NEDD9: variants seen among roughly 807,000 people sequenced by gnomAD.
NEDD9 encodes enhancer of filamentation 1.
Under a neutral mutation model 76.6 loss-of-function variants are expected in NEDD9, and 26 were observed. The ratio of observed to expected loss-of-function variants is 0.34; its 90% confidence interval spans 0.25 to 0.47. NEDD9 has a LOEUF of 0.47. NEDD9 is among the 20% of genes least tolerant of loss of function. The probability of loss-of-function intolerance (pLI) is 1.00; values close to 1 mark genes in which losing one functional copy is unlikely to be tolerated. For synonymous variants in NEDD9, 392 were observed against 414.2 expected, an observed-to-expected ratio of 0.95 and a Z score of 0.65; for missense variants, 937 against 1,058.5, an observed-to-expected ratio of 0.89 and a Z score of 1.59.
rs552722072 is a variant in NEDD9, at chr6:11,239,552, A to T, written c.13-25825T>A. Among the ~76,000 whole-genome samples the T allele has an allele frequency of 5.9e-5, 9 of 152,332 alleles. No homozygotes were observed. The East Asian group carries it at 1.7e-3, about 29-fold the overall frequency. On this transcript the variant is annotated intron_variant, in intron 3 of 3. Transcript: ENST00000397378. Reference sequence around the variant, plus strand: ...CTCTTGGAATGAATGAAAGTCTATTATTAGAGAAAAGCCCAAAAGAGTTTT... The same window carrying T: ...CTCTTGGAATGAATGAAAGTCTATTTTTAGAGAAAAGCCCAAAAGAGTTTT...
intron 2 of NEDD9, among the ~76,000 whole-genome samples, chr6:11,327,319 T>C (rs748839512): frequency 1.2e-4 from 18 of 152,248 alleles, no homozygotes; most frequent in Non-Finnish European, 2.5e-4. Context: ...GAGTGATATA[T>C]AATGAGTGCA....
At chr6:11,284,862 T>A (rs1339875232) in intron 3 of NEDD9, among the ~76,000 whole-genome samples, 1 of 151,608 alleles carries the variant, frequency 6.6e-6, no homozygotes, top group African/African-American at 2.4e-5. Flanking sequence ...TTAGTTCTTA[T>A]ATGACAAGAA....
chr6:11,291,336 A>C (rs1159572971), intron 3 of NEDD9, among the ~76,000 whole-genome samples: 2 of 134,036 alleles, frequency 1.5e-5, no homozygotes, highest in African/African-American at 3.0e-5. Context: ...GTGCAGTGGC[A>C]CAATCTCTGC....
chr6:11,272,732 G>A (rs1371545806), intron 3 of NEDD9, among the ~76,000 whole-genome samples: 1 of 152,194 alleles, frequency 6.6e-6, no homozygotes, highest in African/African-American at 2.4e-5. Flanking sequence ...CTGCAGAGGA[G>A]TCTCCAAGGT....
At chr6:11,337,641 C>T (rs1762190205) in intron 1 of NEDD9, among the ~76,000 whole-genome samples, 1 of 152,200 alleles carries the variant, frequency 6.6e-6, no homozygotes, top group African/African-American at 2.4e-5. Flanking sequence ...TTTTCTCCAC[C>T]TGAAGGGCAG....
chr6:11,351,577 A>G (rs1175466421), intron 1 of NEDD9, among the ~76,000 whole-genome samples: 1 of 152,180 alleles, frequency 6.6e-6, no homozygotes, highest in African/African-American at 2.4e-5. Context: ...TGATGCCCGC[A>G]TACTCAGAGG....
At chr6:11,204,737 AG>A (rs574517307) in intron 2 of NEDD9, among the ~76,000 whole-genome samples, 1,967 of 133,460 alleles carry the variant, frequency 0.015, 44 homozygotes, top group Non-Finnish European at 0.022. Flanking sequence ...AAAAAAAAAA[AG>A]AAAGAAAGAA....
chr6:11,344,179 T>A (rs931817028), intron 1 of NEDD9, among the ~76,000 whole-genome samples: 1 of 152,220 alleles, frequency 6.6e-6, no homozygotes, highest in Admixed American at 6.5e-5. Context: ...CATCTCTGGC[T>A]ACAAAAATGT....
chr6:11,225,571 G>A (rs532020588), intron 1 of NEDD9, among the ~76,000 whole-genome samples: 2 of 152,134 alleles, frequency 1.3e-5, no homozygotes, highest in East Asian at 1.9e-4. Context: ...GTGCAATCTC[G>A]GCTCACTGCA....
chr6:11,278,054 G>GGT (rs1284551470), intron 3 of NEDD9, among the ~76,000 whole-genome samples: 2 of 152,064 alleles, frequency 1.3e-5, no homozygotes, highest in African/African-American at 4.8e-5. Flanking sequence ...ATGGGAGTCG[G>GGT]GTGCTTCCTC....
intron 2 of NEDD9, chr6:11,200,741 G>C: frequency 1.5e-6 from 2 of 1,371,444 alleles, no homozygotes; most frequent in Non-Finnish European, 1.9e-6. Flanking sequence ...AGAGACAGTG[G>C]TCCTTGATGA....
intron 1 of NEDD9, among the ~76,000 whole-genome samples, chr6:11,223,921 C>T (rs1759227144): frequency 6.6e-6 from 1 of 152,158 alleles, no homozygotes. Context: ...GGGATAATGC[C>T]TTCGACAGTG....
chr6:11,200,524 G>T (rs1758417156), intron 2 of NEDD9: 1 of 1,089,112 alleles, frequency 9.2e-7, no homozygotes, highest in African/African-American at 1.7e-5. Flanking sequence ...TTTCTAATGT[G>T]ATAAGAATGT....
At chr6:11,201,191 T>C in intron 2 of NEDD9, 1 of 907,606 alleles carries the variant, frequency 1.1e-6, no homozygotes, top group Non-Finnish European at 1.8e-6. Flanking sequence ...GTGCCTGGGA[T>C]GGGGCAGAGC....
At chr6:11,319,238 G>A (rs1339415993) in intron 2 of NEDD9, among the ~76,000 whole-genome samples, 1 of 152,192 alleles carries the variant, frequency 6.6e-6, no homozygotes, top group Non-Finnish European at 1.5e-5. Context: ...GCCTGGCCCA[G>A]GCTGGGTGCC....
intron 2 of NEDD9, among the ~76,000 whole-genome samples, chr6:11,197,192 T>A (rs559416799): frequency 3.9e-5 from 6 of 152,194 alleles, no homozygotes; most frequent in African/African-American, 1.4e-4. Context: ...AGGACATTTT[T>A]AAACTAATTT....
chr6:11,322,848 C>G (rs1449752788), intron 2 of NEDD9, among the ~76,000 whole-genome samples: 1 of 152,194 alleles, frequency 6.6e-6, no homozygotes, highest in Non-Finnish European at 1.5e-5. Context: ...GTGATTCTTA[C>G]ATGCACGAAG....
At chr6:11,364,474 A>G (rs1762729037) in intron 1 of NEDD9, among the ~76,000 whole-genome samples, 1 of 152,136 alleles carries the variant, frequency 6.6e-6, no homozygotes, top group South Asian at 2.1e-4. Flanking sequence ...TGACATTATA[A>G]TTATCTCCAT....
chr6:11,276,971 T>A (rs4711221), intron 3 of NEDD9, among the ~76,000 whole-genome samples: 8,232 of 147,920 alleles, frequency 0.056, 223 homozygotes, highest in Middle Eastern at 0.14. Flanking sequence ...ACAAACAAAC[T>A]AGTGATGGAA....
Sources: gnomAD v4.1 joint callset for allele counts (sites outside exome capture counted in the v4.1 genomes callset) on GRCh38, gnomAD v4.1.1 for gene constraint, MANE v1.5 for transcripts, NCBI Gene and HGNC (gene_info 2026-07-23, HGNC 2026-07-21) for gene names.